DSCAM: variants seen among roughly 807,000 people sequenced by gnomAD.
DSCAM encodes DS cell adhesion molecule.
DSCAM carries 47 observed loss-of-function variants against 217.7 expected under a neutral mutation model. The ratio of observed to expected loss-of-function variants is 0.22; its 90% CI spans 0.17 to 0.28. The LOEUF (loss-of-function observed/expected upper bound fraction) is 0.28. DSCAM is among the 10% of genes least tolerant of loss of function. DSCAM has a pLI of 1.00. For missense variants in DSCAM, 2,080 were observed against 2,618.3 expected, an observed-to-expected ratio of 0.79 and a Z score of 4.49; for synonymous variants, 1,056 against 1,015.3, an observed-to-expected ratio of 1.04 and a Z score of -0.76.
chr21:40,568,484 C>T (rs1261165159), intron 3 of DSCAM, among the ~76,000 whole-genome samples: 1 of 152,092 alleles, frequency 6.6e-6, no homozygotes, highest in Admixed American at 6.5e-5. Flanking sequence ...CACAGAAACA[C>T]TCCAGGCTGT....
At chr21:40,631,347 T>C (rs1374005862) in intron 3 of DSCAM, among the ~76,000 whole-genome samples, 1 of 152,202 alleles carries the variant, frequency 6.6e-6, no homozygotes, top group East Asian at 1.9e-4. Flanking sequence ...TCAGATTCCT[T>C]TCCCTAGCTG....
chr21:40,740,420 C>T (rs188528063), intron 1 of DSCAM, among the ~76,000 whole-genome samples: 62 of 152,294 alleles, frequency 4.1e-4, no homozygotes, highest in African/African-American at 1.5e-3. Context: ...TTTGCTGACC[C>T]CATGTGCCTC....
intron 9 of DSCAM, among the ~76,000 whole-genome samples, chr21:40,307,527 A>G (rs2074092508): frequency 6.6e-6 from 1 of 152,166 alleles, no homozygotes. Context: ...CAGTGTGGCG[A>G]TTCCTCAGGG....
chr21:40,632,446 G>C (rs1351604402), intron 3 of DSCAM, among the ~76,000 whole-genome samples: 5 of 152,046 alleles, frequency 3.3e-5, no homozygotes, highest in Non-Finnish European at 7.4e-5. Flanking sequence ...ACATATATTG[G>C]GGAGTTGTTC....
intron 1 of DSCAM, among the ~76,000 whole-genome samples, chr21:40,785,956 G>T (rs2091590165): frequency 6.6e-6 from 1 of 152,124 alleles, no homozygotes; most frequent in Admixed American, 6.5e-5. Flanking sequence ...AAATCATCTG[G>T]CCGGACACAG....
Position 40,693,600 on chromosome 21 carries a change from A to G in DSCAM, c.362-644T>C, listed in dbSNP as rs181109010. Among the ~76,000 whole-genome samples, 190 of 152,154 alleles carry G rather than the reference A, an allele frequency of 1.2e-3. 1 individual carries two copies. The highest frequency in any genetic ancestry group is 4.2e-3 in the African/African-American group (174 of 41,496). ...GGGCCGAGGAAGATTTTTTTTTCTG[A>G]CTGCAAAAAATGAATAAAAAATTCA... On this transcript the variant is annotated intron_variant, in intron 2 of 32. Transcript: ENST00000400454.
chr21:40,245,172 G>A (rs555662367), intron 11 of DSCAM, among the ~76,000 whole-genome samples: 6 of 152,246 alleles, frequency 3.9e-5, no homozygotes, highest in South Asian at 2.1e-4. Flanking sequence ...TGTGTCTTAC[G>A]GCTGCTGCCG....
intron 11 of DSCAM, among the ~76,000 whole-genome samples, chr21:40,225,489 C>T (rs1250767601): frequency 2.0e-5 from 3 of 152,222 alleles, no homozygotes; most frequent in Non-Finnish European, 2.9e-5. Context: ...TCTCTATCTT[C>T]AAAACGGCTA....
intron 11 of DSCAM, among the ~76,000 whole-genome samples, chr21:40,244,180 G>T (rs760013658): frequency 6.6e-6 from 1 of 152,192 alleles, no homozygotes; most frequent in Non-Finnish European, 1.5e-5. Context: ...ACCGGGAAGA[G>T]TGGTTCACGC....
chr21:40,119,230 G>T (rs2090005931), intron 20 of DSCAM, among the ~76,000 whole-genome samples: 1 of 152,164 alleles, frequency 6.6e-6, no homozygotes, highest in Non-Finnish European at 1.5e-5. Flanking sequence ...CTCAGAGCTT[G>T]GTGTAAGAGT....
At chr21:40,466,232 A>G (rs989173843) in intron 3 of DSCAM, among the ~76,000 whole-genome samples, 4 of 152,194 alleles carry the variant, frequency 2.6e-5, no homozygotes, top group Admixed American at 6.5e-5. Context: ...TACCCCTCCT[A>G]GAACTTGAGA....
chr21:40,469,275 C>T (rs1400812773), intron 3 of DSCAM, among the ~76,000 whole-genome samples: 1 of 152,100 alleles, frequency 6.6e-6, no homozygotes, highest in East Asian at 1.9e-4. Context: ...TCTCATGCAT[C>T]CTTTCTCAGA....
At position 40,242,810 on chromosome 21, in the gene DSCAM, T is replaced by A. The variant is rs545448771; in HGVS notation, c.2356+33287A>T. The stretch of plus-strand genomic sequence containing the variant: ...TGTGAGTGATAAACAACTCTTTGTT[T>A]AAGCAGCTAAGAAGCAGGTTGCTGC... On this transcript the variant is annotated intron_variant, in intron 11 of 32. Coordinates refer to ENST00000400454, the MANE Select transcript of DSCAM (RefSeq NM_001389.5). Among the ~76,000 whole-genome samples, 16 of 152,358 alleles carry A rather than the reference T, an allele frequency of 1.1e-4. No homozygotes were observed. The South Asian group carries it at 3.3e-3, about 32-fold the overall frequency.
At chr21:40,643,447 C>T (rs1356274999) in intron 3 of DSCAM, among the ~76,000 whole-genome samples, 1 of 152,142 alleles carries the variant, frequency 6.6e-6, no homozygotes, top group African/African-American at 2.4e-5. Flanking sequence ...ACTTCAGAGC[C>T]TTAACTGTGC....
At chr21:40,740,272 G>A (rs192353684) in intron 1 of DSCAM, among the ~76,000 whole-genome samples, 2 of 152,268 alleles carry the variant, frequency 1.3e-5, no homozygotes, top group East Asian at 3.9e-4. Context: ...AAGCATGGCA[G>A]GTTTTACTGC....
At chr21:40,175,811 A>ACACACACG (rs1555886113) in intron 15 of DSCAM, among the ~76,000 whole-genome samples, 33 of 127,542 alleles carry the variant, frequency 2.6e-4, no homozygotes, top group African/African-American at 4.0e-4. Context: ...ACACACACGC[A>ACACACACG]CACACACACA....
Position 40,205,747 on chromosome 21 carries a change from C to T in DSCAM, c.2357-16509G>A, listed in dbSNP as rs114127722. On this transcript the variant is annotated intron_variant, in intron 11 of 32. Transcript: ENST00000400454. ...TGATCATGTCCCCAATTCTTTGCCT[C>T]GGTGAATATTATATTGTATATTTCC... 1.5e-3 allele frequency among the ~76,000 whole-genome samples: 234 copies of T among 152,114 alleles called. 2 individuals carry two copies. The highest frequency in any genetic ancestry group is 5.2e-3 in the African/African-American group (214 of 41,462).
rs937859579 is a variant in DSCAM, at chr21:40,145,144, C to G, written c.3019-413G>C. On this transcript the variant is annotated intron_variant, in intron 16 of 32. Coordinates refer to ENST00000400454, the MANE Select transcript of DSCAM (RefSeq NM_001389.5). ...TTTGTGGCGTCTCCAGGTACGCTTA[C>G]GACCGGGTGAGACTGACCCTCAGGC... Among the ~76,000 whole-genome samples, 5 of 152,262 alleles carry G rather than the reference C, an allele frequency of 3.3e-5. No individual in the cohort carries two copies. The East Asian group carries it at 7.7e-4, about 24-fold the overall frequency.
intron 15 of DSCAM, among the ~76,000 whole-genome samples, chr21:40,172,910 T>C (rs1041988436): frequency 2.0e-5 from 3 of 152,190 alleles, no homozygotes; most frequent in Admixed American, 1.3e-4. Context: ...TGCTCTGTGT[T>C]GGACAAAGGG....
Sources: allele counts gnomAD v4.1 joint callset (sites outside exome capture counted in the v4.1 genomes callset), GRCh38; gene constraint gnomAD v4.1.1; transcripts MANE v1.5; gene names NCBI Gene and HGNC (gene_info 2026-07-23, HGNC 2026-07-21).